The following ATG7 variants were observed in gnomAD, a reference collection of about 807,000 sequenced individuals.
ATG7 encodes the protein ubiquitin-like modifier-activating enzyme ATG7.
In ATG7, 70 loss-of-function variants were observed where a neutral mutation model predicts 82.4. That is an observed-to-expected ratio of 0.85 (90% CI 0.70 to 1.04). ATG7 has a LOEUF of 1.04. Ranked by LOEUF, ATG7 falls within the 50% of genes least tolerant of loss-of-function variation. The pLI is 0.00. For missense variants in ATG7, 792 were observed against 864.3 expected (o/e 0.92, Z 1.05); for synonymous variants, 287 against 313.0 (o/e 0.92, Z 0.88).
At chr3:11,328,160 C>G (rs1951137204) in intron 9 of ATG7, among the ~76,000 whole-genome samples, 1 of 152,182 alleles carries the variant, frequency 6.6e-6, no homozygotes, top group African/African-American at 2.4e-5. Context: ...GAGTCTATCA[C>G]CAATAATGAT....
intron 9 of ATG7, among the ~76,000 whole-genome samples, chr3:11,322,690 T>A (rs1374808488): frequency 1.3e-5 from 2 of 152,240 alleles, no homozygotes; most frequent in Non-Finnish European, 2.9e-5. Flanking sequence ...TTCTCATAAT[T>A]TTTTCACTAT....
intron 20 of ATG7, among the ~76,000 whole-genome samples, chr3:11,471,747 T>TTTTTTC (rs756177705): frequency 8.1e-6 from 1 of 122,872 alleles, no homozygotes; most frequent in Non-Finnish European, 1.6e-5. Context: ...TTAGATTTCT[T>TTTTTTC]TTTTTTTTTT....
At chr3:11,395,576 A>G (rs1032681968) in intron 19 of ATG7, among the ~76,000 whole-genome samples, 2 of 152,172 alleles carry the variant, frequency 1.3e-5, no homozygotes, top group South Asian at 2.1e-4. Flanking sequence ...ATGACAATGG[A>G]AATAACTTCT....
intron 13 of ATG7, among the ~76,000 whole-genome samples, chr3:11,343,487 A>G (rs1006408217): frequency 2.0e-5 from 3 of 152,012 alleles, no homozygotes; most frequent in African/African-American, 7.2e-5. Context: ...TATTGGGGCA[A>G]TTAACCTTTT....
At chr3:11,436,470 T>A (rs1184880679) in intron 20 of ATG7, among the ~76,000 whole-genome samples, 1 of 152,168 alleles carries the variant, frequency 6.6e-6, no homozygotes, top group Admixed American at 6.5e-5. Context: ...CCCCTAGATA[T>A]ATACCCAAGG....
At chr3:11,474,803 C>T (rs760694136) in intron 20 of ATG7, among the ~76,000 whole-genome samples, 15 of 152,064 alleles carry the variant, frequency 9.9e-5, no homozygotes, top group Non-Finnish European at 1.8e-4. Flanking sequence ...CTCGTCTAGG[C>T]GGAGGGAACA....
chr3:11,438,760 TGA>T (rs2083593991), intron 20 of ATG7, among the ~76,000 whole-genome samples: 1 of 152,098 alleles, frequency 6.6e-6, no homozygotes, highest in African/African-American at 2.4e-5. Context: ...ATCTAATATG[TGA>T]GAGAGAAAGT....
intron 3 of ATG7, among the ~76,000 whole-genome samples, chr3:11,287,715 C>T (rs1242718450): frequency 6.6e-6 from 1 of 152,234 alleles, no homozygotes; most frequent in Non-Finnish European, 1.5e-5. Context: ...TTTACCAGTT[C>T]ATAAAGAAGT....
chr3:11,530,859 T>C (rs1358648309), intron 20 of ATG7, among the ~76,000 whole-genome samples: 1 of 152,188 alleles, frequency 6.6e-6, no homozygotes, highest in Non-Finnish European at 1.5e-5. Context: ...TGCACACCTG[T>C]AATCACAGCT....
chr3:11,463,940 G>A (rs1231076783), intron 20 of ATG7, among the ~76,000 whole-genome samples: 2 of 152,228 alleles, frequency 1.3e-5, no homozygotes, highest in African/African-American at 4.8e-5. Context: ...TCCATAAGAA[G>A]GTGGTGGTCC....
chr3:11,333,089 C>A lies in ATG7; in HGVS notation c.885C>A (p.Ser295Arg). Residue 295 changes from serine to arginine, a missense_variant, in exon 11 of 21, where the codon AGC (serine) becomes AGA (arginine). Coordinates refer to ENST00000693202, the MANE Select transcript of ATG7 (RefSeq NM_001349232.2). ...TGAAGCTTCCAGAAATGGCATTTAG[C>A]CCAGGTAATTTGCCGGTCTTTGAAA... ...FEVKLPEMAFSPDCPKAVGWE... is the reference protein window; with the variant it reads ...FEVKLPEMAFRPDCPKAVGWE... 1 of 1,550,690 alleles carries A rather than the reference C, an allele frequency of 6.4e-7. No homozygotes were observed. Among genetic ancestry groups the A allele is most frequent in the Non-Finnish European group, 8.7e-7 (1 of 1,152,610 alleles).
intron 18 of ATG7, 43 bp downstream of exon 18, chr3:11,364,777 G>A: frequency 6.2e-7 from 1 of 1,601,990 alleles, no homozygotes; most frequent in East Asian, 2.2e-5. Flanking sequence ...TTGGTACAGG[G>A]GGAAAGCATG....
intron 20 of ATG7, among the ~76,000 whole-genome samples, chr3:11,509,427 T>G (rs2091929665): frequency 6.6e-6 from 1 of 151,730 alleles, no homozygotes. Context: ...AATTGTGAGC[T>G]CCTGATGGCC....
At chr3:11,417,820 T>TTA (rs1176775252) in intron 19 of ATG7, among the ~76,000 whole-genome samples, 3 of 142,476 alleles carry the variant, frequency 2.1e-5, no homozygotes, top group African/African-American at 7.6e-5. Context: ...ATTTTATTTT[T>TTA]TTTTTTTTTG....
intron 20 of ATG7, among the ~76,000 whole-genome samples, chr3:11,441,806 A>G (rs1159928305): frequency 6.6e-6 from 1 of 151,360 alleles, no homozygotes; most frequent in Non-Finnish European, 1.5e-5. Context: ...ATCTGGGACT[A>G]CAGGCGCCTG....
intron 20 of ATG7, among the ~76,000 whole-genome samples, chr3:11,524,205 AGCTGTGCTGTG>A (rs144081382): frequency 0.02 from 2,970 of 152,106 alleles, 91 homozygotes; most frequent in African/African-American, 0.068. Flanking sequence ...CCCCTTCACT[AGCTGTGCTGTG>A]GCTTAGTTAA....
chr3:11,551,614 G>T (rs916110811), intron 20 of ATG7, among the ~76,000 whole-genome samples: 1 of 152,142 alleles, frequency 6.6e-6, no homozygotes, highest in African/African-American at 2.4e-5. Flanking sequence ...TATTTTTATA[G>T]AGAGAGGGTC....
intron 19 of ATG7, among the ~76,000 whole-genome samples, chr3:11,410,264 C>G (rs1344811467): frequency 6.6e-6 from 1 of 152,072 alleles, no homozygotes; most frequent in Non-Finnish European, 1.5e-5. Context: ...ATATGTACAT[C>G]TTGTACACAT....
chr3:11,416,959 A>T (rs1392196243), intron 19 of ATG7, among the ~76,000 whole-genome samples: 2 of 151,878 alleles, frequency 1.3e-5, no homozygotes, highest in East Asian at 1.9e-4. Flanking sequence ...TTCATGTGTT[A>T]TTGTTCAACC....
Sources: allele counts gnomAD v4.1 joint callset (sites outside exome capture counted in the v4.1 genomes callset), GRCh38; gene constraint gnomAD v4.1.1; transcripts MANE v1.5; gene names NCBI Gene and HGNC (gene_info 2026-07-23, HGNC 2026-07-21).